Variants in NEDD4L observed in about 807,000 individuals in gnomAD.
NEDD4L encodes the protein E3 ubiquitin-protein ligase NEDD4-like.
A neutral mutation model predicts 148.9 loss-of-function variants in NEDD4L; 54 were observed. That is an observed-to-expected ratio of 0.36 (90% CI 0.29 to 0.45). NEDD4L has a LOEUF of 0.45. NEDD4L is among the 20% of genes least tolerant of loss of function. NEDD4L has a pLI of 1.00. For synonymous variants in NEDD4L, 433 were observed against 440.7 expected, an observed-to-expected ratio of 0.98 and a Z score of 0.22; for missense variants, 856 against 1,233.8, an observed-to-expected ratio of 0.69 and a Z score of 4.59.
intron 11 of NEDD4L, among the ~76,000 whole-genome samples, chr18:58,333,278 TAAA>T (rs910110108): frequency 2.3e-5 from 3 of 129,330 alleles, no homozygotes; most frequent in Admixed American, 7.9e-5. Context: ...ACTCTATATT[TAAA>T]AAAAAAAAAA....
At chr18:58,320,289 CTGTAT>C (rs768989158) in intron 6 of NEDD4L, among the ~76,000 whole-genome samples, 1 of 152,200 alleles carries the variant, frequency 6.6e-6, no homozygotes, top group Non-Finnish European at 1.5e-5. Flanking sequence ...TCCCATCACC[CTGTAT>C]TGTATTGAAC....
At chr18:58,082,095 TA>T (rs1270765757) in intron 1 of NEDD4L, among the ~76,000 whole-genome samples, 116 of 98,106 alleles carry the variant, frequency 1.2e-3, no homozygotes, top group African/African-American at 5.8e-3. Context: ...TATATATATA[TA>T]TATATATTTT....
intron 2 of NEDD4L, among the ~76,000 whole-genome samples, chr18:58,238,732 A>G (rs1361280727): frequency 6.6e-6 from 1 of 152,186 alleles, no homozygotes; most frequent in Admixed American, 6.5e-5. Context: ...AATTTGATGA[A>G]TCAAAGGGCA....
chr18:58,087,397 G>T (rs925970891), intron 1 of NEDD4L, among the ~76,000 whole-genome samples: 3 of 152,124 alleles, frequency 2.0e-5, no homozygotes, highest in African/African-American at 7.2e-5. Flanking sequence ...AGGGGTTTTC[G>T]AACTCTCTTT....
chr18:58,188,235 A>G (rs2039691993), intron 2 of NEDD4L, among the ~76,000 whole-genome samples: 2 of 152,212 alleles, frequency 1.3e-5, no homozygotes, highest in African/African-American at 4.8e-5. Context: ...TCACTGGCCT[A>G]CTGGGAGAAA....
At chr18:58,252,352 G>A (rs532601469) in intron 5 of NEDD4L, among the ~76,000 whole-genome samples, 9 of 152,278 alleles carry the variant, frequency 5.9e-5, no homozygotes, top group Admixed American at 6.5e-5. Context: ...AATACAGAAC[G>A]GTAGGCAGAT....
chr18:58,230,419 T>C (rs566658070), intron 2 of NEDD4L, among the ~76,000 whole-genome samples: 6,708 of 149,340 alleles, frequency 0.045, 461 homozygotes, highest in African/African-American at 0.15. Context: ...AGCTTCTTCT[T>C]TTTTTTTTTT....
At chr18:58,300,133 T>C (rs1446934344) in intron 5 of NEDD4L, among the ~76,000 whole-genome samples, 1 of 152,228 alleles carries the variant, frequency 6.6e-6, no homozygotes, top group African/African-American at 2.4e-5. Context: ...GGCCTTTCTG[T>C]GTTTTACTAT....
intron 1 of NEDD4L, among the ~76,000 whole-genome samples, chr18:58,092,560 C>G (rs2084138477): frequency 6.6e-6 from 1 of 152,030 alleles, no homozygotes; most frequent in South Asian, 2.1e-4. Flanking sequence ...TATGAGGAAT[C>G]TTGATAAACT....
At chr18:58,263,750 A>C (rs1382526755) in intron 5 of NEDD4L, among the ~76,000 whole-genome samples, 2 of 147,950 alleles carry the variant, frequency 1.4e-5, no homozygotes, top group Non-Finnish European at 3.0e-5. Flanking sequence ...GTTTTGGTCC[A>C]GATTTTAAAA....
At chr18:58,163,072 GAAA>G (rs34276141) in intron 1 of NEDD4L, among the ~76,000 whole-genome samples, 1 of 147,448 alleles carries the variant, frequency 6.8e-6, no homozygotes, top group African/African-American at 2.5e-5. Context: ...TCAAAAAAAA[GAAA>G]AAAAAAAAAG....
chr18:58,156,963 T>G (rs1210735382), intron 1 of NEDD4L, among the ~76,000 whole-genome samples: 6 of 151,812 alleles, frequency 4.0e-5, no homozygotes, highest in Non-Finnish European at 8.8e-5. Flanking sequence ...GCAGATCTCT[T>G]GAGCCCCAGG....
At chr18:58,362,976 T>C (rs796364784) in intron 19 of NEDD4L, among the ~76,000 whole-genome samples, 4 of 152,294 alleles carry the variant, frequency 2.6e-5, no homozygotes, top group African/African-American at 9.6e-5. Flanking sequence ...CTAAAATAAA[T>C]AGGATGTGAG....
At chr18:58,062,411 C>T (rs188588513) in intron 1 of NEDD4L, among the ~76,000 whole-genome samples, 1 of 152,098 alleles carries the variant, frequency 6.6e-6, no homozygotes, top group African/African-American at 2.4e-5. Context: ...GGAATCTGAT[C>T]ATGGAGTTTG....
At chr18:58,154,539 A>G (rs541576009) in intron 1 of NEDD4L, among the ~76,000 whole-genome samples, 2 of 152,270 alleles carry the variant, frequency 1.3e-5, no homozygotes, top group East Asian at 1.9e-4. Context: ...CACTCCTAGC[A>G]CTTTGGGAGG....
intron 1 of NEDD4L, among the ~76,000 whole-genome samples, chr18:58,070,171 C>T (rs760881987): frequency 7.9e-5 from 12 of 152,166 alleles, no homozygotes; most frequent in Non-Finnish European, 1.2e-4. Flanking sequence ...TGAAAACAAT[C>T]GGTGGTAGTT....
At chr18:58,179,536 T>C (rs1372086814) in intron 2 of NEDD4L, among the ~76,000 whole-genome samples, 1 of 152,110 alleles carries the variant, frequency 6.6e-6, no homozygotes, top group East Asian at 1.9e-4. Flanking sequence ...AGGTGAGCCA[T>C]GGGTAGGCGG....
chr18:58,196,916 T>C (rs2040774391), intron 2 of NEDD4L, among the ~76,000 whole-genome samples: 1 of 152,030 alleles, frequency 6.6e-6, no homozygotes, highest in Admixed American at 6.6e-5. Context: ...CTGATGATTT[T>C]TATGAGGGGG....
chr18:58,330,647 C>T (rs754670402), intron 10 of NEDD4L, 91 bp from the exon 11 acceptor site: 20 of 975,738 alleles, frequency 2.0e-5, no homozygotes, highest in East Asian at 1.1e-4. Flanking sequence ...TAGTTATCAC[C>T]GGGGCTATTG....
Sources: allele counts gnomAD v4.1 joint callset (sites outside exome capture counted in the v4.1 genomes callset), GRCh38; gene constraint gnomAD v4.1.1; transcripts MANE v1.5; gene names NCBI Gene and HGNC (gene_info 2026-07-23, HGNC 2026-07-21).